SNCAIP: variants seen among roughly 807,000 people sequenced by gnomAD.
SNCAIP encodes synuclein alpha interacting protein, also known as synphilin-1.
In SNCAIP, 43 loss-of-function variants were observed where a neutral mutation model predicts 86.7. The observed-to-expected ratio is 0.50, with a 90% CI of 0.39 to 0.64. The LOEUF is 0.64. Ranked by LOEUF, SNCAIP falls within the 30% of genes least tolerant of loss-of-function variation. The pLI, the probability that SNCAIP is intolerant of heterozygous loss-of-function variation, is 0.00. For missense variants in SNCAIP, 981 were observed against 1,103.1 expected (o/e 0.89, Z 1.57); for synonymous variants, 417 against 427.2 (o/e 0.98, Z 0.29).
chr5:122,327,470 G>T (rs1304987639), intron 1 of SNCAIP, among the ~76,000 whole-genome samples: 1 of 152,126 alleles, frequency 6.6e-6, no homozygotes, highest in East Asian at 1.9e-4. Context: ...TGTCAATGGA[G>T]GGACCTGGTA....
At chr5:122,462,860 T>G (rs1456734127) in intron 10 of SNCAIP, among the ~76,000 whole-genome samples, 1 of 152,188 alleles carries the variant, frequency 6.6e-6, no homozygotes. Context: ...ATGAAAATGA[T>G]TGCACCTACC....
chr5:122,391,059 G>T (rs1305931809), intron 1 of SNCAIP, 30 bp from the exon 2 acceptor site: 7 of 1,223,712 alleles, frequency 5.7e-6, no homozygotes, highest in Admixed American at 3.4e-5. Flanking sequence ...AAATTTTTTT[G>T]CCTTTCTTTT....
intron 1 of SNCAIP, among the ~76,000 whole-genome samples, chr5:122,317,281 A>G (rs1427742443): frequency 1.3e-5 from 2 of 152,134 alleles, no homozygotes; most frequent in Admixed American, 6.6e-5. Context: ...ACAGAAACCC[A>G]GTTTATACTT....
chr5:122,375,963 C>T (rs997808829), intron 1 of SNCAIP, among the ~76,000 whole-genome samples: 1 of 152,066 alleles, frequency 6.6e-6, no homozygotes, highest in Non-Finnish European at 1.5e-5. Flanking sequence ...TAGCCATTAG[C>T]TTAGCTTAGG....
chr5:122,419,560 TGA>T (rs201332669), intron 3 of SNCAIP, among the ~76,000 whole-genome samples: 332 of 152,332 alleles, frequency 2.2e-3, no homozygotes, highest in African/African-American at 7.8e-3. Context: ...AAAGTCATTA[TGA>T]ATCTACTTAT....
intron 10 of SNCAIP, among the ~76,000 whole-genome samples, chr5:122,455,123 C>T (rs1174790400): frequency 1.3e-5 from 2 of 152,160 alleles, no homozygotes; most frequent in African/African-American, 4.8e-5. Context: ...CTCCTCATTA[C>T]CCTGTAAATT....
chr5:122,364,237 G>C (rs1762728436), intron 1 of SNCAIP, among the ~76,000 whole-genome samples: 1 of 152,194 alleles, frequency 6.6e-6, no homozygotes, highest in Non-Finnish European at 1.5e-5. Flanking sequence ...CCTTTGTTTA[G>C]CATATAATCA....
intron 10 of SNCAIP, among the ~76,000 whole-genome samples, chr5:122,455,647 T>G (rs1008874273): frequency 8.6e-5 from 13 of 151,954 alleles, no homozygotes; most frequent in African/African-American, 3.2e-4. Flanking sequence ...ACATTGGAAT[T>G]CCATTTTAGT....
chr5:122,456,672 C>T (rs1293112793), intron 10 of SNCAIP, among the ~76,000 whole-genome samples: 1 of 152,162 alleles, frequency 6.6e-6, no homozygotes, highest in Non-Finnish European at 1.5e-5. Flanking sequence ...GTCTCCTTGC[C>T]ATCATTTCTC....
intron 1 of SNCAIP, among the ~76,000 whole-genome samples, chr5:122,333,891 A>G (rs1348474923): frequency 6.6e-6 from 1 of 152,200 alleles, no homozygotes; most frequent in African/African-American, 2.4e-5. Flanking sequence ...CAGTGGGCTG[A>G]ATTGTTTGCA....
intron 1 of SNCAIP, among the ~76,000 whole-genome samples, chr5:122,359,361 A>ATTTATTTATTTATTTG (rs1554085994): frequency 6.7e-6 from 1 of 149,232 alleles, no homozygotes; most frequent in African/African-American, 2.5e-5. Flanking sequence ...TTATTTATTT[A>ATTTATTTATTTATTTG]TTTATTTATT....
chr5:122,403,748 A>G (rs759083204), intron 2 of SNCAIP, 45 bp from the exon 3 acceptor site: 9 of 1,471,568 alleles, frequency 6.1e-6, no homozygotes, highest in Non-Finnish European at 8.6e-6. Context: ...GAATGCTCGC[A>G]TTTTAAATTA....
intron 10 of SNCAIP, 45 bp from the exon 11 acceptor site, chr5:122,463,446 C>T (rs1397486462): frequency 1.2e-5 from 14 of 1,122,146 alleles, no homozygotes; most frequent in Non-Finnish European, 1.8e-5. Context: ...TGTAACTTGA[C>T]CATAGTTTTA....
chr5:122,334,519 C>G (rs1471723433), intron 1 of SNCAIP, among the ~76,000 whole-genome samples: 1 of 152,184 alleles, frequency 6.6e-6, no homozygotes, highest in Non-Finnish European at 1.5e-5. Context: ...CAACTGTTGA[C>G]TAATTCATAC....
chr5:122,405,278 T>C (rs1000123068), intron 3 of SNCAIP, among the ~76,000 whole-genome samples: 11 of 152,352 alleles, frequency 7.2e-5, no homozygotes, highest in Non-Finnish European at 1.2e-4. Flanking sequence ...GTTGCCCAGC[T>C]GTCCTTAGGA....
At chr5:122,374,003 C>T (rs1764771005) in intron 1 of SNCAIP, among the ~76,000 whole-genome samples, 1 of 152,152 alleles carries the variant, frequency 6.6e-6, no homozygotes, top group South Asian at 2.1e-4. Flanking sequence ...CCCTTGTCTA[C>T]TAACAGGATG....
At chr5:122,329,461 G>A (rs1754824944) in intron 1 of SNCAIP, among the ~76,000 whole-genome samples, 1 of 152,082 alleles carries the variant, frequency 6.6e-6, no homozygotes, top group South Asian at 2.1e-4. Context: ...TCAATTTATG[G>A]TCTCCTTTCT....
At chr5:122,400,980 C>T in intron 2 of SNCAIP, 15 of 1,548,470 alleles carry the variant, frequency 9.7e-6, no homozygotes, top group Non-Finnish European at 1.3e-5. Context: ...ACTCTTCTCA[C>T]CCAAGGACAA....
chr5:122,443,358 CTAA>C (rs1021598122), intron 7 of SNCAIP, among the ~76,000 whole-genome samples: 2 of 152,168 alleles, frequency 1.3e-5, no homozygotes, highest in African/African-American at 2.4e-5. Flanking sequence ...TTTGTGGAAT[CTAA>C]TAATATCACA....
Sources: allele counts gnomAD v4.1 joint callset (sites outside exome capture counted in the v4.1 genomes callset), GRCh38; gene constraint gnomAD v4.1.1; transcripts MANE v1.5; gene names NCBI Gene and HGNC (gene_info 2026-07-23, HGNC 2026-07-21).